Variants in ZNF469 observed in about 807,000 individuals in gnomAD.
ZNF469 encodes zinc finger protein 469.
A neutral mutation model predicts 1.0 loss-of-function variants in ZNF469; 1 was observed. That is an observed-to-expected ratio of 1.00 (90% confidence interval 0.35 to 4.73). ZNF469 has a LOEUF of 4.73. Among genes scored for constraint, ZNF469 ranks in the 30% most tolerant of loss-of-function variants. The pLI, the probability that ZNF469 is intolerant of heterozygous loss-of-function variation, is 0.16. For missense variants in ZNF469, 6,100 were observed against 5,356.3 expected (o/e 1.14, Z -4.33); for synonymous variants, 2,703 against 2,363.4 (o/e 1.14, Z -4.17).
At chr16:88,206,147 G>A in the ZNF469 span, among the ~76,000 whole-genome samples, 3 of 152,204 alleles carry the variant, frequency 2.0e-5, no homozygotes, top group Non-Finnish European at 2.9e-5. Flanking sequence ...AGGAAAAGCT[G>A]AGCTGTGCCC....
the ZNF469 span, among the ~76,000 whole-genome samples, chr16:88,369,343 G>T: frequency 6.6e-6 from 1 of 152,192 alleles, no homozygotes; most frequent in Non-Finnish European, 1.5e-5. Flanking sequence ...CCACCTGTTG[G>T]GACTAAAGCC....
At chr16:88,276,170 G>A in the ZNF469 span, among the ~76,000 whole-genome samples, 1 of 152,198 alleles carries the variant, frequency 6.6e-6, no homozygotes, top group Non-Finnish European at 1.5e-5. Flanking sequence ...GTGAGAAAAC[G>A]AGGCCCCTGC....
the ZNF469 span, among the ~76,000 whole-genome samples, chr16:88,122,334 G>A: frequency 2.0e-5 from 3 of 151,370 alleles, no homozygotes; most frequent in South Asian, 2.1e-4. Context: ...GTGTGGCCAC[G>A]GCAGCCACTC....
chr16:88,102,880 G>A, the ZNF469 span, among the ~76,000 whole-genome samples: 1 of 152,236 alleles, frequency 6.6e-6, no homozygotes, highest in Non-Finnish European at 1.5e-5. Context: ...CCTCTGTGGT[G>A]ACACGTGGCA....
chr16:88,105,096 G>A, the ZNF469 span, among the ~76,000 whole-genome samples: 1 of 152,088 alleles, frequency 6.6e-6, no homozygotes, highest in East Asian at 1.9e-4. Flanking sequence ...TGGTGCGTGT[G>A]TATAGTCCCA....
chr16:88,294,011 C>T, the ZNF469 span, among the ~76,000 whole-genome samples: 4 of 152,190 alleles, frequency 2.6e-5, no homozygotes, highest in African/African-American at 7.2e-5. Context: ...TGCCCAGCTC[C>T]GAGTGCCAGG....
At chr16:88,353,695 A>C in the ZNF469 span, among the ~76,000 whole-genome samples, 1 of 152,244 alleles carries the variant, frequency 6.6e-6, no homozygotes, top group Non-Finnish European at 1.5e-5. Flanking sequence ...ACCTCTCTGG[A>C]AACAGGGGCC....
At chr16:88,183,956 G>A in the ZNF469 span, among the ~76,000 whole-genome samples, 1 of 151,984 alleles carries the variant, frequency 6.6e-6, no homozygotes, top group Admixed American at 6.5e-5. Context: ...GCGTCTTCCT[G>A]GGGCTCTTCC....
chr16:88,153,035 TG>T, the ZNF469 span, among the ~76,000 whole-genome samples: 3 of 152,230 alleles, frequency 2.0e-5, no homozygotes, highest in African/African-American at 7.2e-5. Context: ...CTGCACTGTA[TG>T]GGGGGTGGCG....
chr16:88,275,812 G>A, the ZNF469 span, among the ~76,000 whole-genome samples: 4 of 152,212 alleles, frequency 2.6e-5, no homozygotes, highest in African/African-American at 7.2e-5. Flanking sequence ...GCGGCATGGC[G>A]GAGGGGATAA....
At chr16:88,184,767 C>T in the ZNF469 span, among the ~76,000 whole-genome samples, 1 of 152,178 alleles carries the variant, frequency 6.6e-6, no homozygotes, top group Non-Finnish European at 1.5e-5. Context: ...TTTACGACCT[C>T]AGCGACACAT....
chr16:88,374,718 A>G, the ZNF469 span, among the ~76,000 whole-genome samples: 17 of 151,644 alleles, frequency 1.1e-4, no homozygotes, highest in African/African-American at 2.9e-4. Flanking sequence ...GCTCAGCACC[A>G]TGTGCGGTGG....
At chr16:88,380,540 CTA>C (rs1435548109), upstream of ZNF469, among the ~76,000 whole-genome samples, 2 of 145,014 alleles carry the variant, frequency 1.4e-5, no homozygotes, top group Admixed American at 6.9e-5. Context: ...CACACACGCA[CTA>C]ACACAGACAT....
In ZNF469 at chr16:88,437,340, C is replaced by G. The variant is rs766216457; in HGVS notation, c.9870C>G (p.Ser3290Arg). The change falls in exon 3 of 3, where the codon AGC becomes AGG. Residue 3290 changes from serine to arginine, a missense_variant. By Grantham distance (110) the Ser-to-Arg change is moderately radical. Coordinates refer to ENST00000565624, the MANE Select transcript of ZNF469 (RefSeq NM_001367624.2). ...SNPDGAATPD[S>R]ASATALADAG... The stretch of plus-strand genomic sequence containing the variant: ...CAGACGGGGCCGCGACCCCAGACAG[C>G]GCCTCTGCCACCGCCCTGGCTGACG... The G allele has an allele frequency of 6.5e-7, 1 of 1,545,178 alleles. No individual in the cohort carries two copies. Among genetic ancestry groups the G allele is most frequent in the East Asian group, 2.5e-5 (1 of 40,684 alleles).
intron 1 of ZNF469, among the ~76,000 whole-genome samples, chr16:88,409,586 G>A (rs1250379910): frequency 1.3e-5 from 2 of 152,200 alleles, no homozygotes; most frequent in Middle Eastern, 3.2e-3. Context: ...TGGGTGTTCA[G>A]GATGGAGGAC....
In ZNF469 at chr16:88,435,167, G is replaced by C; in HGVS notation, c.7697G>C (p.Gly2566Ala). Residue 2566 changes from glycine to alanine, a missense_variant, in exon 3 of 3, where the codon GGG (glycine) becomes GCG (alanine). Gly to Ala is a moderately conservative substitution (Grantham distance 60). Transcript: ENST00000565624. ...QGSKEVLRAP[G>A]SPHSQQLHPP... ...TCAAAGGAGGTTCTCAGAGCACCGG[G>C]GTCCCCACACAGCCAGCAGCTGCAC... The C allele has an allele frequency of 1.3e-6, 2 of 1,550,328 alleles. No individual in the cohort carries two copies. The highest frequency in any genetic ancestry group is 1.7e-6 in the Non-Finnish European group (2 of 1,146,976).
Position 88,431,968 on chromosome 16 carries a change from T to C in ZNF469, c.4498T>C (p.Ser1500Pro), listed in dbSNP as rs1327373411. ...GGTGCCGTCAGATCCACCGTACCCC[T>C]CTTTTTTGCTGCTTGAGGAAGTATC... ...KTVPSDPPYP[S>P]FLLLEEVSPM... The change falls in exon 3 of 3, where the codon TCT becomes CCT. Residue 1500 changes from serine (S) to proline (P), a missense_variant. Coordinates refer to ENST00000565624, the MANE Select transcript of ZNF469 (RefSeq NM_001367624.2). The C allele has an allele frequency of 3.2e-6, 5 of 1,549,474 alleles. No homozygotes were observed. In the South Asian group the frequency reaches 4.8e-5, roughly 15 times the overall value.
At chr16:88,219,755 A>G in the ZNF469 span, among the ~76,000 whole-genome samples, 449 of 152,302 alleles carry the variant, frequency 2.9e-3, 2 homozygotes, top group African/African-American at 0.01. Context: ...CCATTTCCAC[A>G]TGACCCCAGT....
chr16:88,321,199 C>G, the ZNF469 span, among the ~76,000 whole-genome samples: 5 of 152,272 alleles, frequency 3.3e-5, no homozygotes, highest in Non-Finnish European at 7.3e-5. Context: ...GGGTGCCCCC[C>G]ACCTTGGGTT....
Sources: allele counts gnomAD v4.1 joint callset (sites outside exome capture counted in the v4.1 genomes callset), GRCh38; gene constraint gnomAD v4.1.1; transcripts MANE v1.5; gene names NCBI Gene and HGNC (gene_info 2026-07-23, HGNC 2026-07-21).